Variants in KSR2 observed in about 807,000 individuals in gnomAD.
KSR2 encodes kinase suppressor of ras 2.
A neutral mutation model predicts 107.8 loss-of-function variants in KSR2; 25 were observed. That is an observed-to-expected ratio of 0.23 (90% CI 0.17 to 0.32). KSR2 has a LOEUF of 0.32. Ranked by LOEUF, KSR2 falls within the 10% of genes least tolerant of loss-of-function variation. KSR2 has a pLI of 1.00. For missense variants in KSR2, 887 were observed against 1,268.9 expected, an observed-to-expected ratio of 0.70 and a Z score of 4.57; for synonymous variants, 480 against 507.0, an observed-to-expected ratio of 0.95 and a Z score of 0.71.
At chr12:117,863,291 G>A (rs1313666025) in intron 1 of KSR2, among the ~76,000 whole-genome samples, 1 of 152,136 alleles carries the variant, frequency 6.6e-6, no homozygotes, top group African/African-American at 2.4e-5. Context: ...CTAAAGAGCT[G>A]CCAGGTGGTG....
intron 5 of KSR2, among the ~76,000 whole-genome samples, chr12:117,599,825 C>T (rs1362595202): frequency 6.6e-6 from 1 of 152,164 alleles, no homozygotes; most frequent in African/African-American, 2.4e-5. Flanking sequence ...GTACTGCCAA[C>T]TATTTATTAA....
At chr12:117,881,932 C>A (rs1894039612) in intron 1 of KSR2, among the ~76,000 whole-genome samples, 1 of 152,188 alleles carries the variant, frequency 6.6e-6, no homozygotes, top group African/African-American at 2.4e-5. Flanking sequence ...GCCACACACC[C>A]AGTACCAAAG....
chr12:117,810,144 T>G (rs1446251402), intron 3 of KSR2, among the ~76,000 whole-genome samples: 3 of 151,804 alleles, frequency 2.0e-5, no homozygotes, highest in African/African-American at 4.8e-5. Context: ...TCTCGGTTTG[T>G]TTTTTTTGTC....
At chr12:117,881,615 C>A (rs1005821990) in intron 1 of KSR2, among the ~76,000 whole-genome samples, 1 of 152,200 alleles carries the variant, frequency 6.6e-6, no homozygotes, top group Non-Finnish European at 1.5e-5. Context: ...TTATGAAATT[C>A]TTATGAACCT....
At chr12:117,496,882 G>A (rs1873059744) in intron 14 of KSR2, among the ~76,000 whole-genome samples, 1 of 149,498 alleles carries the variant, frequency 6.7e-6, no homozygotes, top group Non-Finnish European at 1.5e-5. Context: ...ACAGAGTCTC[G>A]CTCTGTTGCC....
intron 4 of KSR2, among the ~76,000 whole-genome samples, chr12:117,724,861 T>A (rs532534042): frequency 1.1e-5 from 1 of 91,390 alleles, no homozygotes; most frequent in Non-Finnish European, 2.2e-5. Flanking sequence ...AGACTTCGGG[T>A]GGGAGGGAGG....
At chr12:117,576,373 G>T (rs1478030755) in intron 7 of KSR2, among the ~76,000 whole-genome samples, 1 of 152,170 alleles carries the variant, frequency 6.6e-6, no homozygotes, top group East Asian at 1.9e-4. Context: ...AGACCTAAAG[G>T]CCCAGCCTTG....
chr12:117,535,143 T>C (rs1875947396), intron 10 of KSR2, among the ~76,000 whole-genome samples: 1 of 152,138 alleles, frequency 6.6e-6, no homozygotes, highest in Admixed American at 6.5e-5. Flanking sequence ...TGGTACACAG[T>C]AGATGCGTAA....
At chr12:117,937,783 A>AC (rs1353154370) in intron 1 of KSR2, among the ~76,000 whole-genome samples, 1 of 142,466 alleles carries the variant, frequency 7.0e-6, no homozygotes, top group Non-Finnish European at 1.5e-5. Context: ...ACATGGAGAA[A>AC]CCCCCATCTC....
At chr12:117,712,337 C>G (rs773511969) in intron 4 of KSR2, among the ~76,000 whole-genome samples, 30 of 152,122 alleles carry the variant, frequency 2.0e-4, no homozygotes, top group Admixed American at 5.2e-4. Flanking sequence ...GGGACAGGGT[C>G]TCAGGCCAAG....
chr12:117,631,656 C>A (rs956157688), intron 5 of KSR2, among the ~76,000 whole-genome samples: 4 of 151,976 alleles, frequency 2.6e-5, no homozygotes, highest in African/African-American at 9.7e-5. Context: ...TTCAAGCATA[C>A]CAAGAGTTCA....
Position 117,700,017 on chromosome 12 carries a change from C to T in KSR2, c.987-32359G>A, listed in dbSNP as rs575525123. Reference sequence around the variant, plus strand: ...CCTCCTGAGGAGGTGGGACTGCAGGCGCCCACCACCACTCCTCACTAATTT... The same window carrying T: ...CCTCCTGAGGAGGTGGGACTGCAGGTGCCCACCACCACTCCTCACTAATTT... On this transcript the variant is annotated intron_variant, in intron 4 of 19. Transcript: ENST00000339824. Among the ~76,000 whole-genome samples, 5 of 151,560 alleles carry T rather than the reference C, an allele frequency of 3.3e-5. No individual in the cohort carries two copies. In the South Asian group the frequency reaches 8.5e-4, roughly 26 times the overall value.
chr12:117,612,959 T>G (rs1384608788), intron 5 of KSR2, among the ~76,000 whole-genome samples: 2 of 152,236 alleles, frequency 1.3e-5, no homozygotes, highest in Non-Finnish European at 2.9e-5. Context: ...TCTGCCATGA[T>G]TGTAAGTTTC....
At chr12:117,535,006 G>A (rs1875935991) in intron 10 of KSR2, among the ~76,000 whole-genome samples, 2 of 152,158 alleles carry the variant, frequency 1.3e-5, no homozygotes, top group Non-Finnish European at 2.9e-5. Context: ...AGAACCATAA[G>A]ATAATAAACC....
rs996724669 is a variant in KSR2 at position 117,905,403 on chromosome 12, A to G, written c.181-44972T>C. ...AATAAAATAAGCACGTAACTATTAA[A>G]ATGCAAAATGTTTTGCCCGCGGACT... On this transcript the variant is annotated intron_variant, in intron 1 of 19. Coordinates refer to ENST00000339824, the MANE Select transcript of KSR2 (RefSeq NM_173598.6). Among the ~76,000 whole-genome samples, 3 of 152,170 alleles carry G rather than the reference A, an allele frequency of 2.0e-5. No homozygotes were observed. The South Asian group carries it at 6.2e-4, about 32-fold the overall frequency.
chr12:117,885,697 T>C (rs573972815), intron 1 of KSR2, among the ~76,000 whole-genome samples: 18 of 83,346 alleles, frequency 2.2e-4, no homozygotes, highest in African/African-American at 8.3e-4. Context: ...GGGCGGGGGG[T>C]AAGGGGAGGA....
At chr12:117,913,962 C>A (rs766425812) in intron 1 of KSR2, among the ~76,000 whole-genome samples, 1 of 152,128 alleles carries the variant, frequency 6.6e-6, no homozygotes, top group Non-Finnish European at 1.5e-5. Flanking sequence ...CTTCTCTGTC[C>A]GTCCCTTCAC....
rs929228575 is a variant in KSR2 at position 117,806,017 on chromosome 12, T to A, written c.473-44493A>T. Among the ~76,000 whole-genome samples, 5 of 152,080 alleles carry A rather than the reference T, an allele frequency of 3.3e-5. No homozygotes were observed. In the East Asian group the frequency reaches 9.7e-4, roughly 29 times the overall value. ...ACAAGAAAAAAAGAAAGAAAAGAAA[T>A]GCAGGTTCCATGCCCAATCCCAGAC... On this transcript the variant is annotated intron_variant, in intron 3 of 19. Coordinates refer to ENST00000339824, the MANE Select transcript of KSR2 (RefSeq NM_173598.6).
chr12:117,476,793 C>T (rs1366146516), intron 16 of KSR2, among the ~76,000 whole-genome samples, 198 bp from the exon 17 acceptor site: 1 of 152,202 alleles, frequency 6.6e-6, no homozygotes, highest in Admixed American at 6.5e-5. Context: ...ACTCAGGATC[C>T]AAACCATCAT....
Sources: allele counts gnomAD v4.1 joint callset (sites outside exome capture counted in the v4.1 genomes callset), GRCh38; gene constraint gnomAD v4.1.1; transcripts MANE v1.5; gene names NCBI Gene and HGNC (gene_info 2026-07-23, HGNC 2026-07-21).